Variants in LSAMP observed in about 807,000 individuals in gnomAD.
LSAMP encodes limbic system-associated membrane protein.
A neutral mutation model predicts 38.6 loss-of-function variants in LSAMP; 7 were observed. That is an observed-to-expected ratio of 0.18 (90% CI 0.10 to 0.34). The LOEUF is 0.34. Ranked by LOEUF, LSAMP falls within the 10% of genes least tolerant of loss-of-function variation. The pLI is 1.00. For missense variants in LSAMP, 313 were observed against 420.0 expected (o/e 0.75, Z 2.23); for synonymous variants, 154 against 166.8 (o/e 0.92, Z 0.59).
intron 1 of LSAMP, among the ~76,000 whole-genome samples, chr3:116,380,822 G>A (rs1441950334): frequency 6.6e-6 from 1 of 151,812 alleles, no homozygotes; most frequent in Non-Finnish European, 1.5e-5. Context: ...TATAGCTTTG[G>A]TTTTTTTGTT....
chr3:116,291,248 T>TAAC (rs2047263327), intron 1 of LSAMP, among the ~76,000 whole-genome samples: 1 of 152,178 alleles, frequency 6.6e-6, no homozygotes, highest in African/African-American at 2.4e-5. Flanking sequence ...GAAGAGAAGA[T>TAAC]AACAGTCAGC....
intron 1 of LSAMP, among the ~76,000 whole-genome samples, chr3:116,115,032 T>G (rs1708711384): frequency 6.6e-6 from 1 of 152,238 alleles, no homozygotes; most frequent in African/African-American, 2.4e-5. Flanking sequence ...TTTTTATAAT[T>G]GTTTGCAGGT....
chr3:115,854,106 T>C (rs937369366), intron 3 of LSAMP, among the ~76,000 whole-genome samples: 2 of 151,992 alleles, frequency 1.3e-5, no homozygotes, highest in African/African-American at 4.8e-5. Context: ...ATATCACTAG[T>C]TTTGAGGAAA....
chr3:116,118,636 G>A (rs1708806337), intron 1 of LSAMP, among the ~76,000 whole-genome samples: 1 of 152,114 alleles, frequency 6.6e-6, no homozygotes, highest in African/African-American at 2.4e-5. Context: ...GATTTGCTCA[G>A]GATTACAGAG....
chr3:115,865,761 C>A (rs2107373933), intron 3 of LSAMP, among the ~76,000 whole-genome samples: 1 of 152,296 alleles, frequency 6.6e-6, no homozygotes, highest in South Asian at 2.1e-4. Context: ...GGTAAGCATC[C>A]TTCTGATCTT....
intron 1 of LSAMP, among the ~76,000 whole-genome samples, chr3:116,179,895 T>C (rs1710443815): frequency 6.6e-6 from 1 of 152,186 alleles, no homozygotes; most frequent in Non-Finnish European, 1.5e-5. Context: ...AAGAAATACT[T>C]TTGACCTCCT....
chr3:116,099,192 A>T (rs1417323515), intron 1 of LSAMP, among the ~76,000 whole-genome samples: 1 of 152,228 alleles, frequency 6.6e-6, no homozygotes, highest in East Asian at 1.9e-4. Context: ...TCTGAATTCT[A>T]CGAAGAGCCC....
At chr3:116,019,666 A>G in intron 2 of LSAMP, 26 bp from the exon 3 acceptor site, 1 of 1,605,484 alleles carries the variant, frequency 6.2e-7, no homozygotes, top group East Asian at 2.2e-5. Flanking sequence ...GAAATGGAAT[A>G]TGTAACCATG....
At chr3:116,302,143 A>G (rs1455063273) in intron 1 of LSAMP, among the ~76,000 whole-genome samples, 1 of 152,256 alleles carries the variant, frequency 6.6e-6, no homozygotes, top group Non-Finnish European at 1.5e-5. Context: ...ATAATGCAAT[A>G]GAAAAGATCC....
chr3:116,406,921 T>C (rs567522334), intron 1 of LSAMP, among the ~76,000 whole-genome samples: 10 of 152,098 alleles, frequency 6.6e-5, no homozygotes, highest in African/African-American at 1.9e-4. Context: ...GAAGAAATTA[T>C]GGCAAGAAGA....
chr3:115,989,169 A>G (rs1939597183), intron 3 of LSAMP, among the ~76,000 whole-genome samples: 1 of 152,130 alleles, frequency 6.6e-6, no homozygotes, highest in Admixed American at 6.6e-5. Flanking sequence ...AAAAGGAAAA[A>G]TAGAAAAGTG....
intron 3 of LSAMP, among the ~76,000 whole-genome samples, chr3:115,901,174 T>A (rs1576200260): frequency 6.6e-6 from 1 of 152,062 alleles, no homozygotes; most frequent in East Asian, 1.9e-4. Context: ...CTAGAATCAT[T>A]TGGGGTCTGA....
In LSAMP at chr3:116,444,917, C is replaced by A; in HGVS notation, c.115G>T (p.Asp39Tyr). The A allele has an allele frequency of 6.2e-7, 1 of 1,614,096 alleles. No individual in the cohort carries two copies. The change falls in exon 1 of 7, where the codon GAC becomes TAC. Residue 39 changes from aspartate (D) to tyrosine (Y), a missense_variant. Transcript: ENST00000490035. ...VRSVDFNRGT[D>Y]NITVRQGDTA... ...TCCCCCTGCCTCACGGTGATGTTGT[C>A]CGTGCCTCGGTTAAAATCCACGCTG...
intron 1 of LSAMP, among the ~76,000 whole-genome samples, chr3:116,274,184 TCATGTGCTAGAATTTGGCAAA>T (rs1363477015): frequency 2.0e-5 from 3 of 152,168 alleles, no homozygotes; most frequent in African/African-American, 7.2e-5. Context: ...TATGCTTGGT[TCATGTGCTAGAATTTGGCAAA>T]CATATAGTTT....
chr3:116,016,966 A>C lies in LSAMP; in HGVS notation c.514+2549T>G, dbSNP rs1221861961. 2.0e-5 allele frequency among the ~76,000 whole-genome samples: 3 copies of C among 152,102 alleles called. No individual in the cohort carries two copies. The South Asian group carries it at 6.2e-4, about 31-fold the overall frequency. On this transcript the variant is annotated intron_variant, in intron 3 of 6. Transcript: ENST00000490035. ...GTGAGTGTATCTATTTTCCTGGTTG[A>C]TATTGAAGCCTCCGGGGTCCTCTGA... is the stretch of plus-strand genomic sequence containing the variant.
chr3:116,135,518 G>C (rs1269094266), intron 1 of LSAMP, among the ~76,000 whole-genome samples: 1 of 152,124 alleles, frequency 6.6e-6, no homozygotes, highest in Non-Finnish European at 1.5e-5. Context: ...AGTATTACTT[G>C]CCAAGTCACA....
chr3:116,331,380 C>G (rs1026620958), intron 1 of LSAMP, among the ~76,000 whole-genome samples: 33 of 152,078 alleles, frequency 2.2e-4, no homozygotes, highest in Non-Finnish European at 4.9e-4. Flanking sequence ...TATTATTAAA[C>G]ACAGAAATAT....
intron 1 of LSAMP, among the ~76,000 whole-genome samples, chr3:116,185,611 A>G (rs1294962944): frequency 6.6e-6 from 1 of 152,072 alleles, no homozygotes; most frequent in East Asian, 1.9e-4. Context: ...TACACTCATT[A>G]TACTCTATTG....
rs150423338 is a variant in LSAMP at position 116,198,772 on chromosome 3, G to GGAAAAAAAAAAA, written c.156-112217_156-112216insTTTTTTTTTTTC. Among the ~76,000 whole-genome samples, 10 of 103,220 alleles carry GGAAAAAAAAAAA rather than the reference G, an allele frequency of 9.7e-5. No homozygotes were observed. The East Asian group carries it at 2.9e-3, about 30-fold the overall frequency. 67.7% of individuals were successfully genotyped at this position (103,220 alleles called of 152,430 possible). A position where few individuals can be genotyped will look rare whatever the true frequency, so the allele number is the denominator to read the frequency against. ...GGCGACAGAGCAAGACTCCGTCTCA[G>GGAAAAAAAAAAA]AAAAAAAAAGAAAATCAGAACTGGA... On this transcript the variant is annotated intron_variant, in intron 1 of 6. Transcript: ENST00000490035.
Sources: allele counts gnomAD v4.1 joint callset (sites outside exome capture counted in the v4.1 genomes callset), GRCh38; gene constraint gnomAD v4.1.1; transcripts MANE v1.5; gene names NCBI Gene and HGNC (gene_info 2026-07-23, HGNC 2026-07-21).